MYO5B: variants seen among roughly 807,000 people sequenced by gnomAD.
MYO5B encodes myosin VB, also known as unconventional myosin-Vb.
In MYO5B, 143 loss-of-function variants were observed where a neutral mutation model predicts 229.3. The ratio of observed to expected loss-of-function variants is 0.62; its 90% CI spans 0.54 to 0.72. The LOEUF is 0.72. Among genes scored for constraint, MYO5B ranks in the 30% least tolerant of loss-of-function variants. The pLI, the probability that MYO5B is intolerant of heterozygous loss-of-function variation, is 0.00. For synonymous variants in MYO5B, 918 were observed against 885.2 expected, an observed-to-expected ratio of 1.04 and a Z score of -0.66; for missense variants, 2,321 against 2,331.0, an observed-to-expected ratio of 1.00 and a Z score of 0.09.
At chr18:49,874,561 A>G (rs57459068) in intron 26 of MYO5B, among the ~76,000 whole-genome samples, 2 of 152,260 alleles carry the variant, frequency 1.3e-5, no homozygotes, top group African/African-American at 4.8e-5. Flanking sequence ...AGGGGGAAAA[A>G]AAACAAGAAT....
At chr18:49,974,798 G>GACACACACACACAC (rs10680505) in intron 9 of MYO5B, among the ~76,000 whole-genome samples, 183 bp from the exon 10 acceptor site, 30,376 of 130,874 alleles carry the variant, frequency 0.23, 4,937 homozygotes, top group Middle Eastern at 0.32. Context: ...CACACACACA[G>GACACACACACACAC]ACACACACAC....
At chr18:50,039,683 G>T (rs1568081554) in intron 3 of MYO5B, among the ~76,000 whole-genome samples, 1 of 152,166 alleles carries the variant, frequency 6.6e-6, no homozygotes, top group Non-Finnish European at 1.5e-5. Flanking sequence ...TTTAAAATAT[G>T]TTATGAATTT....
chr18:49,964,559 G>A (rs1339266654), intron 10 of MYO5B, among the ~76,000 whole-genome samples: 1 of 152,118 alleles, frequency 6.6e-6, no homozygotes, highest in Non-Finnish European at 1.5e-5. Context: ...GTCTGGGAAT[G>A]GTAGTGTATC....
At chr18:50,017,691 T>C (rs1241788322) in intron 4 of MYO5B, among the ~76,000 whole-genome samples, 1 of 152,224 alleles carries the variant, frequency 6.6e-6, no homozygotes, top group African/African-American at 2.4e-5. Flanking sequence ...TTGTGAATTT[T>C]CTTGAAGGAC....
At chr18:50,019,671 C>A (rs1458919665) in intron 4 of MYO5B, among the ~76,000 whole-genome samples, 1 of 152,138 alleles carries the variant, frequency 6.6e-6, no homozygotes, top group Non-Finnish European at 1.5e-5. Flanking sequence ...TAATACTGGC[C>A]CAGGGATTTT....
intron 10 of MYO5B, among the ~76,000 whole-genome samples, chr18:49,966,368 C>T (rs1292354361): frequency 2.6e-5 from 4 of 152,226 alleles, no homozygotes; most frequent in Non-Finnish European, 4.4e-5. Context: ...GAGGCCACCC[C>T]TGTGCACTCC....
At chr18:49,891,429 C>T (rs1453976981) in intron 22 of MYO5B, among the ~76,000 whole-genome samples, 1 of 152,190 alleles carries the variant, frequency 6.6e-6, no homozygotes, top group Non-Finnish European at 1.5e-5. Flanking sequence ...CATCCCCACA[C>T]ATTTAAGCTC....
At chr18:50,032,662 G>A (rs1414735405) in intron 4 of MYO5B, among the ~76,000 whole-genome samples, 1 of 152,166 alleles carries the variant, frequency 6.6e-6, no homozygotes, top group Non-Finnish European at 1.5e-5. Context: ...GAATAACACT[G>A]CTAAAAACAT....
chr18:49,829,537 T>G (rs1467804201), intron 39 of MYO5B, among the ~76,000 whole-genome samples: 7 of 152,162 alleles, frequency 4.6e-5, no homozygotes, highest in Non-Finnish European at 8.8e-5. Context: ...AAAGAAGAAT[T>G]AACACCAGTT....
At chr18:49,999,129 G>T (rs536353171) in intron 5 of MYO5B, among the ~76,000 whole-genome samples, 3 of 152,162 alleles carry the variant, frequency 2.0e-5, no homozygotes, top group African/African-American at 7.2e-5. Flanking sequence ...TCAGTCTCTG[G>T]AGCTCAAAGA....
rs865966741 is a variant in MYO5B at position 49,889,624 on chromosome 18, C to T, written c.3045+5317G>A. Reference sequence around the variant, plus strand: ...ACATTCTCCTAATATCTAGATGGCTCACAGAGCAGTAGGTCACCTGAGAAG... The same window carrying T: ...ACATTCTCCTAATATCTAGATGGCTTACAGAGCAGTAGGTCACCTGAGAAG... On this transcript the variant is annotated intron_variant, in intron 22 of 39. Coordinates refer to ENST00000285039, the MANE Select transcript of MYO5B (RefSeq NM_001080467.3). Among the ~76,000 whole-genome samples, 4 of 152,306 alleles carry T rather than the reference C, an allele frequency of 2.6e-5. No homozygotes were observed. In the Middle Eastern group the frequency reaches 0.014, roughly 518 times the overall value.
intron 17 of MYO5B, among the ~76,000 whole-genome samples, chr18:49,917,956 A>G (rs890424688): frequency 3.9e-5 from 6 of 152,162 alleles, no homozygotes; most frequent in African/African-American, 1.2e-4. Context: ...AGAGGGAGAG[A>G]TCAGAGACAG....
chr18:49,866,235 AT>A (rs1388373185), intron 27 of MYO5B, among the ~76,000 whole-genome samples: 529 of 144,360 alleles, frequency 3.7e-3, no homozygotes, highest in African/African-American at 5.5e-3. Context: ...CGCCTGGCTA[AT>A]TTTTTTTTTT....
At chr18:49,982,364 C>T (rs1403409554) in intron 8 of MYO5B, among the ~76,000 whole-genome samples, 1 of 152,144 alleles carries the variant, frequency 6.6e-6, no homozygotes, top group Non-Finnish European at 1.5e-5. Context: ...GGCCTACTTC[C>T]TTTACTCTTG....
intron 1 of MYO5B, among the ~76,000 whole-genome samples, chr18:50,061,471 T>C (rs922201955): frequency 6.6e-6 from 1 of 152,202 alleles, no homozygotes; most frequent in African/African-American, 2.4e-5. Flanking sequence ...TCCATGTTAC[T>C]GGGATCCTTT....
At chr18:50,053,582 CT>C (rs1483174585) in intron 2 of MYO5B, among the ~76,000 whole-genome samples, 1 of 152,112 alleles carries the variant, frequency 6.6e-6, no homozygotes, top group African/African-American at 2.4e-5. Context: ...ATAATTCCAT[CT>C]GTTGGGAGTT....
At chr18:50,188,772 TGA>T (rs1433755691) in intron 1 of MYO5B, among the ~76,000 whole-genome samples, 6 of 99,874 alleles carry the variant, frequency 6.0e-5, no homozygotes, top group African/African-American at 2.0e-4. Context: ...GGTGACACAG[TGA>T]GACTCTGTCA....
chr18:49,984,141 G>T (rs1328858288), intron 8 of MYO5B, among the ~76,000 whole-genome samples: 1 of 152,196 alleles, frequency 6.6e-6, no homozygotes, highest in Non-Finnish European at 1.5e-5. Context: ...AAAGTGGCAG[G>T]GAAGCAGGGC....
chr18:50,146,198 C>G (rs1422738077), intron 1 of MYO5B, among the ~76,000 whole-genome samples: 1 of 152,202 alleles, frequency 6.6e-6, no homozygotes, highest in East Asian at 1.9e-4. Context: ...AATATTTATG[C>G]CAGACACAAT....
Sources: allele counts gnomAD v4.1 joint callset (sites outside exome capture counted in the v4.1 genomes callset), GRCh38; gene constraint gnomAD v4.1.1; transcripts MANE v1.5; gene names NCBI Gene and HGNC (gene_info 2026-07-23, HGNC 2026-07-21).